PALMD: variants seen among roughly 807,000 people sequenced by gnomAD.
PALMD encodes paralemmin-like protein.
Under a neutral mutation model 56.2 loss-of-function variants are expected in PALMD, and 42 were observed. The ratio of observed to expected loss-of-function variants is 0.75; its 90% CI spans 0.58 to 0.97. The LOEUF is 0.97. Ranked by LOEUF, PALMD falls within the 50% of genes least tolerant of loss-of-function variation. The pLI, the probability that PALMD is intolerant of heterozygous loss-of-function variation, is 0.00. For missense variants in PALMD, 660 were observed against 643.8 expected (o/e 1.03, Z -0.27); for synonymous variants, 242 against 222.9 (o/e 1.09, Z -0.76).
Position 99,679,479 on chromosome 1 carries a change from T to C in PALMD, c.252-7197T>C, listed in dbSNP as rs570406905. The stretch of plus-strand genomic sequence containing the variant: ...GGAAAAAAAAAGATAAAGCCCGGAC[T>C]TCAATCCTTGTTAGATGGACTAACC... On this transcript the variant is annotated intron_variant, in intron 3 of 7. Coordinates refer to ENST00000263174, the MANE Select transcript of PALMD (RefSeq NM_017734.5). Among the ~76,000 whole-genome samples the C allele has an allele frequency of 1.6e-3, 245 of 152,166 alleles. 1 individual carries two copies. The highest frequency in any genetic ancestry group is 5.6e-3 in the African/African-American group (233 of 41,518).
At position 99,689,232 on chromosome 1, in the gene PALMD, G is replaced by T. The variant is rs145694277; in HGVS notation, c.972G>T (p.Pro324=). 1.3e-5 allele frequency: 21 copies of T among 1,613,340 alleles called. No individual in the cohort carries two copies. Among genetic ancestry groups the T allele is most frequent in the Non-Finnish European group, 1.7e-5 (20 of 1,179,794 alleles). ...ACTTCAATCACATCAGTCCCATTCCGCCAGTGCCTCATCCCCGATCAGTGA... is the reference window on the plus strand; with the variant it reads ...ACTTCAATCACATCAGTCCCATTCCTCCAGTGCCTCATCCCCGATCAGTGA... ...GNNFNHISPI[P]PVPHPRSVIQ... The change falls in exon 7 of 8, where the codon CCG becomes CCT. Residue 324 remains proline, a synonymous_variant. Transcript: ENST00000263174.
intron 1 of PALMD, among the ~76,000 whole-genome samples, chr1:99,652,659 A>AGAAAGGAAAGGAAAGGAAAGGAAAG (rs59533552): frequency 6.5e-5 from 8 of 122,350 alleles, no homozygotes; most frequent in African/African-American, 2.5e-4. Flanking sequence ...AAGAAAGAAA[A>AGAAAGGAAAGGAAAGGAAAGGAAAG]GAAAGGAAAG....
At chr1:99,678,696 G>A (rs1420230358) in intron 3 of PALMD, among the ~76,000 whole-genome samples, 1 of 152,080 alleles carries the variant, frequency 6.6e-6, no homozygotes, top group African/African-American at 2.4e-5. Flanking sequence ...GCTGTTTCCT[G>A]TTCTCCCAAG....
intron 3 of PALMD, chr1:99,683,485 A>C (rs1288977455): frequency 6.6e-6 from 1 of 152,238 alleles, no homozygotes; most frequent in Non-Finnish European, 1.5e-5. Context: ...GGTCACAAAC[A>C]GTGGAATCAC....
intron 3 of PALMD, among the ~76,000 whole-genome samples, chr1:99,683,082 GAGAGAGAGAA>G (rs1653397060): frequency 1.1e-3 from 22 of 19,906 alleles, no homozygotes; most frequent in African/African-American, 2.6e-3. Context: ...GAGAGAGAGA[GAGAGAGAGAA>G]AGAAAGAAAG....
chr1:99,646,481 GGAC>G (rs1203652914), intron 1 of PALMD, 119 bp downstream of exon 1: 1 of 771,346 alleles, frequency 1.3e-6, no homozygotes, highest in Non-Finnish European at 2.3e-6. Context: ...CAGCCTTCAT[GGAC>G]GAGTCTCTGT....
At chr1:99,675,810 A>G (rs1402718715) in intron 3 of PALMD, among the ~76,000 whole-genome samples, 1 of 152,162 alleles carries the variant, frequency 6.6e-6, no homozygotes, top group Admixed American at 6.6e-5. Context: ...TATTGTTCTG[A>G]TTAAGAGGGT....
intron 1 of PALMD, among the ~76,000 whole-genome samples, chr1:99,657,761 A>G (rs1166216811): frequency 1.3e-5 from 2 of 152,180 alleles, no homozygotes; most frequent in African/African-American, 4.8e-5. Flanking sequence ...GGTAACTTAG[A>G]TTCCAGACTT....
chr1:99,678,267 G>A (rs1339394453), intron 3 of PALMD, among the ~76,000 whole-genome samples: 1 of 151,914 alleles, frequency 6.6e-6, no homozygotes, highest in African/African-American at 2.4e-5. Context: ...ACCATGCCCA[G>A]CTAATTTTTG....
intron 3 of PALMD, among the ~76,000 whole-genome samples, chr1:99,678,749 C>A (rs906006595): frequency 2.6e-5 from 4 of 152,040 alleles, no homozygotes; most frequent in African/African-American, 9.7e-5. Context: ...AGGGGAGAAT[C>A]AAGCTAGAAT....
chr1:99,693,091 T>A (rs898103601), intron 7 of PALMD, among the ~76,000 whole-genome samples: 1 of 152,222 alleles, frequency 6.6e-6, no homozygotes, highest in African/African-American at 2.4e-5. Context: ...ATGGGGTCAT[T>A]TCCATTGTCA....
rs11802902 is a variant in PALMD at position 99,667,734 on chromosome 1, C to A, written c.219C>A (p.His73Gln). 3.5e-3 allele frequency: 5,636 copies of A among 1,613,402 alleles called. 159 individuals are homozygous for A. In the African/African-American group the frequency reaches 0.064, roughly 18 times the overall value. Reference protein sequence around the residue: ...EMKKQNQQDQHQIQVLEQSIL... With the variant: ...EMKKQNQQDQQQIQVLEQSIL... ...AGAAGCAAAATCAACAAGACCAGCA[C>A]CAGATCCAGGTTCTAGAACAAAGTA... Residue 73 changes from histidine (H) to glutamine (Q), a missense_variant, in exon 3 of 8, where the codon CAC becomes CAA. Physicochemically the swap from His to Gln is conservative, Grantham distance 24. Transcript: ENST00000263174.
At chr1:99,678,520 C>T (rs1480770794) in intron 3 of PALMD, among the ~76,000 whole-genome samples, 1 of 151,972 alleles carries the variant, frequency 6.6e-6, no homozygotes, top group Non-Finnish European at 1.5e-5. Flanking sequence ...ACTATTATTC[C>T]CTAAATGAGA....
At chr1:99,681,175 C>T (rs1392424679) in intron 3 of PALMD, among the ~76,000 whole-genome samples, 1 of 150,212 alleles carries the variant, frequency 6.7e-6, no homozygotes, top group Non-Finnish European at 1.5e-5. Flanking sequence ...GACTTTAATC[C>T]TTGTTAGATG....
In PALMD at chr1:99,667,365, G is replaced by C. The variant is rs142484793; in HGVS notation, c.127-277G>C. 8.5e-4 allele frequency among the ~76,000 whole-genome samples: 130 copies of C among 152,274 alleles called. 1 individual carries two copies. The East Asian group carries it at 0.022, about 26-fold the overall frequency. On this transcript the variant is annotated intron_variant, in intron 2 of 7. Transcript: ENST00000263174. ...AGAAAGTGAGGGTCAGGATGGGGCT[G>C]CCAGGAGTATGGGGGCCAGGGATCT...
Position 99,687,182 on chromosome 1 carries a change from T to C in PALMD, c.507T>C (p.Asn169=), listed in dbSNP as rs762491199. 41 of 1,601,406 alleles carry C rather than the reference T, an allele frequency of 2.6e-5. No homozygotes were observed. The highest frequency in any genetic ancestry group is 3.5e-5 in the Admixed American group (2 of 57,968). ...INEEKEDDEQ[N]RKALYAMEIK... ...AAGAAAAAGAAGATGATGAACAAAA[T>C]AGGAAAGGTATATGAGAAATCTGTG... is the stretch of plus-strand genomic sequence containing the variant. The change falls in exon 6 of 8, where the codon AAT becomes AAC. Residue 169 remains asparagine, a synonymous_variant. Coordinates refer to ENST00000263174, the MANE Select transcript of PALMD (RefSeq NM_017734.5).
At chr1:99,667,569 A>G (rs577328768) in intron 2 of PALMD, 73 bp from the exon 3 acceptor site, 3 of 1,245,962 alleles carry the variant, frequency 2.4e-6, no homozygotes, top group Admixed American at 1.9e-5. Context: ...AATTCATAAG[A>G]TTTGAAAGCA....
intron 6 of PALMD, 79 bp from the exon 7 acceptor site, chr1:99,688,696 A>G: frequency 1.1e-6 from 1 of 925,930 alleles, no homozygotes; most frequent in East Asian, 2.4e-5. Context: ...TACTTAATAT[A>G]AAAATAAACA....
Position 99,687,063 on chromosome 1 carries a change from A to T in PALMD, c.401-13A>T. ...TATTCTAAATGTATTTTGAATTCATATTAATTTTACAGAGTCAATTGAGGA... is the reference window on the plus strand; with the variant it reads ...TATTCTAAATGTATTTTGAATTCATTTTAATTTTACAGAGTCAATTGAGGA... On this transcript the variant is annotated splice_polypyrimidine_tract_variant and intron_variant, in intron 5 of 7. Transcript: ENST00000263174. 1.3e-6 allele frequency: 2 copies of T among 1,567,028 alleles called. No individual in the cohort carries two copies. Among genetic ancestry groups the T allele is most frequent in the Non-Finnish European group, 8.7e-7 (1 of 1,146,756 alleles).
Sources: gnomAD v4.1 joint callset for allele counts (sites outside exome capture counted in the v4.1 genomes callset) on GRCh38, gnomAD v4.1.1 for gene constraint, MANE v1.5 for transcripts, NCBI Gene and HGNC (gene_info 2026-07-23, HGNC 2026-07-21) for gene names.